The following INTS8 variants were observed in gnomAD, a reference collection of about 807,000 sequenced individuals.
INTS8 encodes integrator complex subunit 8.
In INTS8, 47 loss-of-function variants were observed where a neutral mutation model predicts 138.9. The ratio of observed to expected loss-of-function variants is 0.34; its 90% CI spans 0.27 to 0.43. The LOEUF (loss-of-function observed/expected upper bound fraction) is 0.43. Among genes scored for constraint, INTS8 ranks in the 20% least tolerant of loss-of-function variants. The pLI is 1.00. For synonymous variants in INTS8, 392 were observed against 400.9 expected (o/e 0.98, Z 0.27); for missense variants, 996 against 1,173.0 (o/e 0.85, Z 2.20).
At chr8:94,833,033 T>TC (rs978293537) in intron 6 of INTS8, among the ~76,000 whole-genome samples, 13 of 148,442 alleles carry the variant, frequency 8.8e-5, no homozygotes, top group Non-Finnish European at 1.6e-4. Flanking sequence ...TCTCTCTCTC[T>TC]TTTTTTTTTA....
chr8:94,823,635 C>T, intron 1 of INTS8, 74 bp downstream of exon 1: 3 of 1,247,016 alleles, frequency 2.4e-6, no homozygotes, highest in Non-Finnish European at 3.3e-6. Flanking sequence ...CTCCGCTCCC[C>T]GCCTTCTCGG....
At chr8:94,841,248 C>T (rs966043652) in intron 8 of INTS8, among the ~76,000 whole-genome samples, 4 of 152,116 alleles carry the variant, frequency 2.6e-5, no homozygotes, top group African/African-American at 9.7e-5. Flanking sequence ...GATTGCCTCT[C>T]ATTGACTGAT....
At chr8:94,827,544 A>G in intron 3 of INTS8, 141 bp downstream of exon 3, 1 of 1,155,900 alleles carries the variant, frequency 8.7e-7, no homozygotes. Context: ...ATGGTGGAGA[A>G]AATTTGTGAC....
At chr8:94,866,219 T>A in intron 18 of INTS8, 28 bp downstream of exon 18, 1 of 1,165,392 alleles carries the variant, frequency 8.6e-7, no homozygotes, top group Non-Finnish European at 1.3e-6. Context: ...TTGCTCTAAT[T>A]ACTATTGCTG....
chr8:94,828,074 C>T (rs976650641), intron 4 of INTS8, among the ~76,000 whole-genome samples: 2 of 149,406 alleles, frequency 1.3e-5, no homozygotes, highest in Non-Finnish European at 3.0e-5. Context: ...GAGACTCACT[C>T]TGTCGCCCAG....
At chr8:94,834,032 A>G (rs1814825770) in intron 6 of INTS8, among the ~76,000 whole-genome samples, 1 of 152,170 alleles carries the variant, frequency 6.6e-6, no homozygotes, top group South Asian at 2.1e-4. Context: ...TCGGCCTCCC[A>G]AAGTGCTGGG....
rs1815475777 is a variant in INTS8 at position 94,850,083 on chromosome 8, A to G, written c.1499A>G (p.Asp500Gly). ...ATTAAACCTGTAACTTCATTTTATG[A>G]TATCCCAGGTTAGCTCTCTAGTCGG... is the stretch of plus-strand genomic sequence containing the variant. ...LCIKPVTSFYDIPASASVNIG... is the reference protein window; with the variant it reads ...LCIKPVTSFYGIPASASVNIG... The change falls in exon 12 of 27, where the codon GAT (aspartate) becomes GGT (glycine). Residue 500 changes from aspartate (D) to glycine (G), a missense_variant. By Grantham distance (94) the Asp-to-Gly change is moderately conservative. Coordinates refer to ENST00000523731, the MANE Select transcript of INTS8 (RefSeq NM_017864.4). 6.3e-7 allele frequency: 1 copy of G among 1,595,336 alleles called. No homozygotes were observed. The highest frequency in any genetic ancestry group is 1.3e-5 in the African/African-American group (1 of 74,308).
chr8:94,842,552 T>A, intron 10 of INTS8, 64 bp downstream of exon 10: 1 of 1,312,926 alleles, frequency 7.6e-7, no homozygotes, highest in Non-Finnish European at 1.0e-6. Context: ...AGTGACCTCT[T>A]AATTGCCAAA....
rs752590044 is a variant in INTS8, at chr8:94,831,948, C to A, written c.571-44C>A. On this transcript the variant is annotated intron_variant, in intron 5 of 26. Transcript: ENST00000523731. ...TGTAAATATTTTTGGTTATTATAAT[C>A]AGTTGCTATTTTTGTATTTTTATTT... 4.1e-6 allele frequency: 6 copies of A among 1,469,724 alleles called. No homozygotes were observed. In the Admixed American group the frequency reaches 9.4e-5, roughly 23 times the overall value. The allele number at this position is 1,469,724 out of a possible 1,614,324, so 91.0% of individuals were successfully genotyped here.
Position 94,880,921 on chromosome 8 carries a change from G to C in INTS8, c.*687G>C. ...TCAAGAAAGCCCCAGTTAGGAAGGA[G>C]CCACAGCATTTATCTTGTTTATAAT... is the stretch of plus-strand genomic sequence containing the variant. On this transcript the variant is annotated 3_prime_UTR_variant, in exon 27 of 27. Transcript: ENST00000523731. 2 of 398,734 alleles carry C rather than the reference G, an allele frequency of 5.0e-6. No individual in the cohort carries two copies. The highest frequency in any genetic ancestry group is 8.9e-6 in the Non-Finnish European group (2 of 225,906). The allele number at this position is 398,734 out of a possible 1,614,324, so 24.7% of individuals were successfully genotyped here.
At chr8:94,850,642 G>A (rs545777121) in intron 12 of INTS8, among the ~76,000 whole-genome samples, 5 of 151,340 alleles carry the variant, frequency 3.3e-5, no homozygotes, top group South Asian at 2.1e-4. Context: ...GATTTTCACC[G>A]GAGAAATAGA....
At position 94,847,569 on chromosome 8, in the gene INTS8, C is replaced by T. The variant is rs1350726028; in HGVS notation, c.1261-1893C>T. ...ATCAGTGATCATAGAACTATATTCT[C>T]GTTTTTCTAGAGTTAGTTTTAAGAA... is the stretch of plus-strand genomic sequence containing the variant. On this transcript the variant is annotated intron_variant, in intron 10 of 26. Coordinates refer to ENST00000523731, the MANE Select transcript of INTS8 (RefSeq NM_017864.4). Among the ~76,000 whole-genome samples the T allele has an allele frequency of 5.3e-5, 8 of 152,124 alleles. No individual in the cohort carries two copies. In the East Asian group the frequency reaches 7.7e-4, roughly 15 times the overall value.
intron 1 of INTS8, 105 bp from the exon 2 acceptor site, chr8:94,824,788 C>G (rs1814424561): frequency 9.7e-6 from 1 of 103,160 alleles, no homozygotes; most frequent in Admixed American, 9.7e-5. Flanking sequence ...CCAAACTCCC[C>G]CCCCCCCCAC....
At chr8:94,877,733 TCTTA>T (rs1816613600) in intron 26 of INTS8, among the ~76,000 whole-genome samples, 2 of 152,298 alleles carry the variant, frequency 1.3e-5, no homozygotes, top group Admixed American at 1.3e-4. Context: ...CAAAGCCATG[TCTTA>T]CTGTCAGGCA....
At chr8:94,828,046 T>A (rs751666444) in intron 4 of INTS8, among the ~76,000 whole-genome samples, 2 of 10,250 alleles carry the variant, frequency 2.0e-4, no homozygotes, top group Non-Finnish European at 4.4e-4. Flanking sequence ...TTTTTTTTTG[T>A]TTTTTTTTTT....
intron 26 of INTS8, 111 bp downstream of exon 26, chr8:94,876,600 TTTA>T (rs1315359022): frequency 3.3e-6 from 2 of 608,514 alleles, no homozygotes; most frequent in African/African-American, 1.9e-5. Flanking sequence ...CTGCCAGAAT[TTTA>T]TTATCAGTGT....
intron 1 of INTS8, among the ~76,000 whole-genome samples, chr8:94,824,595 A>G (rs1024255681): frequency 1.3e-5 from 2 of 152,026 alleles, no homozygotes; most frequent in African/African-American, 4.8e-5. Flanking sequence ...CCAGAAATCT[A>G]TGACTGTTAT....
In INTS8 at chr8:94,876,600, T is replaced by A. The variant is rs1816573352; in HGVS notation, c.2871+111T>A. 3 of 608,514 alleles carry A rather than the reference T, an allele frequency of 4.9e-6. 1 individual carries two copies. The South Asian group carries it at 7.3e-5, about 15-fold the overall frequency. 37.7% of individuals were successfully genotyped at this position (608,514 alleles called of 1,614,324 possible). Reference sequence around the variant, plus strand: ...TTGTGTACCTAGTTACTGCCAGAATTTTATTATCAGTGTTTACTTTATAAA... The same window carrying A: ...TTGTGTACCTAGTTACTGCCAGAATATTATTATCAGTGTTTACTTTATAAA... On this transcript the variant is annotated intron_variant, in intron 26 of 26. Transcript: ENST00000523731.
chr8:94,849,629 A>G lies in INTS8; in HGVS notation c.1331+97A>G, dbSNP rs1586495060. The G allele has an allele frequency of 1.0e-5, 8 of 784,250 alleles. No homozygotes were observed. The East Asian group carries it at 2.1e-4, about 21-fold the overall frequency. The allele number at this position is 784,250 out of a possible 1,614,324, so 48.6% of individuals were successfully genotyped here. ...ATTATCTTTTGTTTTTGTCTTGGGT[A>G]TCTTTTAACCAGGCAGTAACTGGTG... On this transcript the variant is annotated intron_variant, in intron 11 of 26. Coordinates refer to ENST00000523731, the MANE Select transcript of INTS8 (RefSeq NM_017864.4).
Sources: gnomAD v4.1 joint callset for allele counts (sites outside exome capture counted in the v4.1 genomes callset) on GRCh38, gnomAD v4.1.1 for gene constraint, MANE v1.5 for transcripts, NCBI Gene and HGNC (gene_info 2026-07-23, HGNC 2026-07-21) for gene names.